MAGI1: variants seen among roughly 807,000 people sequenced by gnomAD.
MAGI1 encodes membrane associated guanylate kinase, WW and PDZ domain containing 1.
In MAGI1, 58 loss-of-function variants were observed where a neutral mutation model predicts 139.9. The ratio of observed to expected loss-of-function variants is 0.41; its 90% CI spans 0.34 to 0.52. The LOEUF (loss-of-function observed/expected upper bound fraction) is 0.52, where lower values mean the gene tolerates loss of function less well. Ranked by LOEUF, MAGI1 falls within the 20% of genes least tolerant of loss-of-function variation. The probability of loss-of-function intolerance (pLI) is 0.12; values close to 1 mark genes in which losing one functional copy is unlikely to be tolerated. For missense variants in MAGI1, 1,874 were observed against 1,901.6 expected, an observed-to-expected ratio of 0.99 and a Z score of 0.27; for synonymous variants, 812 against 737.9, an observed-to-expected ratio of 1.10 and a Z score of -1.63.
intron 1 of MAGI1, among the ~76,000 whole-genome samples, chr3:66,021,585 G>A (rs192638446): frequency 5.3e-4 from 81 of 152,276 alleles, no homozygotes; most frequent in African/African-American, 1.8e-3. Context: ...TTAGAGCCTG[G>A]AGCATCACAC....
chr3:65,617,824 C>T (rs950142168), intron 2 of MAGI1, among the ~76,000 whole-genome samples: 3 of 152,096 alleles, frequency 2.0e-5, no homozygotes, highest in East Asian at 1.9e-4. Flanking sequence ...TTTGTTCATG[C>T]GTTCAACAAA....
intron 1 of MAGI1, among the ~76,000 whole-genome samples, chr3:65,914,603 C>T (rs753345234): frequency 1.3e-5 from 2 of 152,174 alleles, no homozygotes; most frequent in African/African-American, 2.4e-5. Flanking sequence ...CAAATCCAGC[C>T]CACAGGCTAC....
At chr3:65,937,245 A>G (rs2063107700) in intron 1 of MAGI1, among the ~76,000 whole-genome samples, 1 of 151,576 alleles carries the variant, frequency 6.6e-6, no homozygotes, top group African/African-American at 2.4e-5. Context: ...AGCCTGACAA[A>G]CACCTTGAAA....
chr3:65,702,785 C>T (rs1467026785), intron 1 of MAGI1, among the ~76,000 whole-genome samples: 1 of 152,082 alleles, frequency 6.6e-6, no homozygotes, highest in Non-Finnish European at 1.5e-5. Flanking sequence ...TCCTTGAAAG[C>T]AGGGACCCTG....
chr3:66,002,223 C>A (rs2066781871), intron 1 of MAGI1, among the ~76,000 whole-genome samples: 1 of 152,038 alleles, frequency 6.6e-6, no homozygotes, highest in Admixed American at 6.5e-5. Context: ...GGCAAATTTG[C>A]AGAAAAGAAA....
chr3:65,759,065 CAAAAAAAAAAAAAAAAAAAAA>C (rs200497203), intron 1 of MAGI1, among the ~76,000 whole-genome samples: 1 of 73,070 alleles, frequency 1.4e-5, no homozygotes, highest in African/African-American at 5.5e-5. Flanking sequence ...AGGCCCAGTG[CAAAAAAAAAAAAAAAAAAAAA>C]AAAAAAAAAT....
At chr3:66,037,859 C>T in intron 1 of MAGI1, 137 bp downstream of exon 1, 1 of 1,426,458 alleles carries the variant, frequency 7.0e-7, no homozygotes, top group Non-Finnish European at 9.4e-7. Context: ...GTGTATTTCA[C>T]CGCCACCACA....
chr3:65,874,027 T>G (rs1261816551), intron 1 of MAGI1: 3 of 152,206 alleles, frequency 2.0e-5, no homozygotes, highest in Non-Finnish European at 4.4e-5. Flanking sequence ...AGCTCACGCC[T>G]GTAGTCCCAG....
chr3:65,546,527 A>T (rs929035058), intron 2 of MAGI1, among the ~76,000 whole-genome samples: 4 of 152,190 alleles, frequency 2.6e-5, no homozygotes, highest in Non-Finnish European at 4.4e-5. Flanking sequence ...CATCTATGTC[A>T]AGGTTGTATT....
At chr3:65,457,373 T>G (rs1039535421) in intron 5 of MAGI1, among the ~76,000 whole-genome samples, 1 of 152,170 alleles carries the variant, frequency 6.6e-6, no homozygotes, top group African/African-American at 2.4e-5. Flanking sequence ...TCACACAGCC[T>G]GTCTAACCAC....
chr3:65,678,195 T>C (rs1214657493), intron 1 of MAGI1, among the ~76,000 whole-genome samples: 1 of 151,960 alleles, frequency 6.6e-6, no homozygotes, highest in Non-Finnish European at 1.5e-5. Flanking sequence ...AGGGGAGGGA[T>C]AGCATTAGGA....
intron 1 of MAGI1, among the ~76,000 whole-genome samples, chr3:65,642,708 T>C (rs895087904): frequency 5.3e-5 from 8 of 152,194 alleles, no homozygotes; most frequent in African/African-American, 1.9e-4. Flanking sequence ...TCCCCATAAT[T>C]AGAAAGATTC....
At chr3:66,006,962 C>T (rs1396382150) in intron 1 of MAGI1, among the ~76,000 whole-genome samples, 1 of 152,046 alleles carries the variant, frequency 6.6e-6, no homozygotes, top group Non-Finnish European at 1.5e-5. Context: ...TCCCAAGTAG[C>T]TAGAACTACA....
At chr3:65,885,435 G>A (rs1328264440) in intron 1 of MAGI1, among the ~76,000 whole-genome samples, 3 of 151,936 alleles carry the variant, frequency 2.0e-5, no homozygotes, top group Non-Finnish European at 4.4e-5. Flanking sequence ...TATTGTGAAC[G>A]TTATTCCCTA....
chr3:65,745,497 T>A (rs886289405), intron 1 of MAGI1, among the ~76,000 whole-genome samples: 1 of 152,208 alleles, frequency 6.6e-6, no homozygotes, highest in Non-Finnish European at 1.5e-5. Context: ...CAAGCATATT[T>A]TGCATGAATT....
intron 1 of MAGI1, among the ~76,000 whole-genome samples, chr3:65,742,429 G>A (rs774674548): frequency 2.6e-5 from 4 of 152,150 alleles, no homozygotes; most frequent in Non-Finnish European, 4.4e-5. Context: ...GGGCTTCAGA[G>A]CCAGACACAT....
chr3:65,646,538 T>C (rs1332634009), intron 1 of MAGI1, among the ~76,000 whole-genome samples: 1 of 152,046 alleles, frequency 6.6e-6, no homozygotes, highest in Non-Finnish European at 1.5e-5. Flanking sequence ...CTCAACACCT[T>C]CAAACAACAG....
chr3:65,639,496 T>C (rs2084853707), intron 1 of MAGI1, among the ~76,000 whole-genome samples: 1 of 152,154 alleles, frequency 6.6e-6, no homozygotes, highest in African/African-American at 2.4e-5. Context: ...CTGGGAGGGT[T>C]GATTTTATGT....
At chr3:65,472,997 T>A (rs1285284781) in intron 4 of MAGI1, among the ~76,000 whole-genome samples, 1 of 152,204 alleles carries the variant, frequency 6.6e-6, no homozygotes, top group Non-Finnish European at 1.5e-5. Flanking sequence ...GTGGGCAAAG[T>A]ACTTAACCTT....
Sources: gnomAD v4.1 joint callset for allele counts (sites outside exome capture counted in the v4.1 genomes callset) on GRCh38, gnomAD v4.1.1 for gene constraint, MANE v1.5 for transcripts, NCBI Gene and HGNC (gene_info 2026-07-23, HGNC 2026-07-21) for gene names.